SLC35F3: variants seen among roughly 807,000 people sequenced by gnomAD.
The protein encoded by SLC35F3 is solute carrier family 35 member F3.
A neutral mutation model predicts 49.9 loss-of-function variants in SLC35F3; 25 were observed. The observed-to-expected ratio is 0.50, with a 90% CI of 0.37 to 0.70. SLC35F3 has a LOEUF of 0.70. Ranked by LOEUF, SLC35F3 falls within the 30% of genes least tolerant of loss-of-function variation. SLC35F3 has a pLI of 0.00. For missense variants in SLC35F3, 525 were observed against 639.8 expected (o/e 0.82, Z 1.94); for synonymous variants, 275 against 265.4 (o/e 1.04, Z -0.35).
At chr1:234,181,425 G>C (rs977705100) in intron 2 of SLC35F3, among the ~76,000 whole-genome samples, 2 of 151,906 alleles carry the variant, frequency 1.3e-5, no homozygotes. Context: ...TGTTATCACA[G>C]TATTAGAAAT....
intron 2 of SLC35F3, among the ~76,000 whole-genome samples, chr1:234,098,761 T>A (rs55638498): frequency 0.02 from 2,910 of 144,344 alleles, 47 homozygotes; most frequent in Non-Finnish European, 0.031. Flanking sequence ...TGGTGGTGAC[T>A]GTGTTGGTGG....
intron 2 of SLC35F3, among the ~76,000 whole-genome samples, chr1:234,004,918 T>G (rs1220450795): frequency 6.6e-6 from 1 of 152,140 alleles, no homozygotes; most frequent in Non-Finnish European, 1.5e-5. Flanking sequence ...CAATATGCAT[T>G]AAGATGGAAA....
At chr1:234,136,275 T>TTTCTTTCTCTCG in intron 2 of SLC35F3, among the ~76,000 whole-genome samples, 1 of 125,834 alleles carries the variant, frequency 7.9e-6, no homozygotes, top group Non-Finnish European at 1.6e-5. Context: ...TCTTTCTCTC[T>TTTCTTTCTCTCG]CTTTCTCTCT....
intron 2 of SLC35F3, among the ~76,000 whole-genome samples, chr1:234,111,145 G>A (rs1248568665): frequency 2.0e-5 from 3 of 152,054 alleles, no homozygotes; most frequent in African/African-American, 4.8e-5. Context: ...TTGTAAGAGA[G>A]TGAATTTAAT....
intron 3 of SLC35F3, among the ~76,000 whole-genome samples, chr1:234,246,975 C>A (rs115643440): frequency 1.3e-5 from 2 of 152,140 alleles, no homozygotes; most frequent in Admixed American, 6.5e-5. Flanking sequence ...GTGGCAGACA[C>A]GGCAGGGTGT....
At position 234,015,347 on chromosome 1, in the gene SLC35F3, C is replaced by CAA. The variant is rs34202675; in HGVS notation, c.283+109604_283+109605dup. Among the ~76,000 whole-genome samples the CAA allele has an allele frequency of 4.0e-3, 526 of 132,344 alleles. 4 individuals carry two copies. The highest frequency in any genetic ancestry group is 8.8e-3 in the Middle Eastern group (2 of 228). 86.8% of individuals were successfully genotyped at this position (132,344 alleles called of 152,430 possible). A position where few individuals can be genotyped will look rare whatever the true frequency, so the allele number is the denominator to read the frequency against. On this transcript the variant is annotated intron_variant, in intron 2 of 7. Transcript: ENST00000366618. ...TGGGCGACAGAGCAAGACTCTATAT[C>CAA]AAAAAAAAAAAAAAAATGCAAGAAC...
At chr1:234,062,662 T>C (rs1157326989) in intron 2 of SLC35F3, among the ~76,000 whole-genome samples, 1 of 152,096 alleles carries the variant, frequency 6.6e-6, no homozygotes, top group Non-Finnish European at 1.5e-5. Context: ...TCTGTTCTTT[T>C]CTTTCATCCA....
chr1:234,251,504 C>T (rs1371852629), intron 3 of SLC35F3, among the ~76,000 whole-genome samples: 2 of 150,806 alleles, frequency 1.3e-5, no homozygotes, highest in African/African-American at 2.4e-5. Flanking sequence ...CTTTTAAATC[C>T]CTGGTAGTAA....
At chr1:234,014,325 G>T (rs55649948) in intron 2 of SLC35F3, among the ~76,000 whole-genome samples, 49,005 of 151,960 alleles carry the variant, frequency 0.32, 9,540 homozygotes, top group Non-Finnish European at 0.45. Context: ...AGATGTAGAA[G>T]AAATAATCTA....
chr1:233,948,221 GA>G, intron 2 of SLC35F3, among the ~76,000 whole-genome samples: 1 of 138,098 alleles, frequency 7.2e-6, no homozygotes, highest in African/African-American at 2.9e-5. Context: ...GGGAGAGAGG[GA>G]GAGAGGGAGA....
chr1:234,195,807 C>G (rs756660293), intron 2 of SLC35F3, among the ~76,000 whole-genome samples: 29 of 152,206 alleles, frequency 1.9e-4, no homozygotes, highest in Admixed American at 1.4e-3. Flanking sequence ...GGCGGTTTCC[C>G]CCATACTGTT....
intron 2 of SLC35F3, among the ~76,000 whole-genome samples, chr1:233,953,185 C>T (rs1470585778): frequency 6.6e-6 from 1 of 151,704 alleles, no homozygotes; most frequent in Non-Finnish European, 1.5e-5. Context: ...CCAATAATAG[C>T]CTCAAATAAG....
Position 234,231,786 on chromosome 1 carries a change from C to A in SLC35F3, c.608+45C>A. On this transcript the variant is annotated intron_variant, in intron 3 of 7. Coordinates refer to ENST00000366618, the MANE Select transcript of SLC35F3 (RefSeq NM_173508.4). This position sits in a 1 kb window ranked among gnomAD's most constrained non-coding sequence, Gnocchi z 5.4. ...GGAGGCCTCCTGACCCCGGGCTGCT[C>A]CATCCAGCGCTGACTCTGCAGAGCT... 6.5e-7 allele frequency: 1 copy of A among 1,542,650 alleles called. No individual in the cohort carries two copies. The highest frequency in any genetic ancestry group is 8.8e-7 in the Non-Finnish European group (1 of 1,134,930).
At chr1:233,930,793 GA>G (rs1662231149) in intron 2 of SLC35F3, among the ~76,000 whole-genome samples, 1 of 152,116 alleles carries the variant, frequency 6.6e-6, no homozygotes, top group Admixed American at 6.6e-5. Flanking sequence ...GAATCTCAAG[GA>G]AAAGAAAATA....
At chr1:234,128,322 C>A (rs115158490) in intron 2 of SLC35F3, among the ~76,000 whole-genome samples, 1 of 152,024 alleles carries the variant, frequency 6.6e-6, no homozygotes, top group Non-Finnish European at 1.5e-5. Context: ...CATCACCTGG[C>A]GAAGGACAAT....
At chr1:234,127,109 G>A (rs931793484) in intron 2 of SLC35F3, among the ~76,000 whole-genome samples, 4 of 152,134 alleles carry the variant, frequency 2.6e-5, no homozygotes, top group South Asian at 2.1e-4. Context: ...CATCCATTTC[G>A]TGTGTATCAG....
At chr1:234,194,653 C>T (rs921439682) in intron 2 of SLC35F3, among the ~76,000 whole-genome samples, 2 of 151,946 alleles carry the variant, frequency 1.3e-5, no homozygotes, top group African/African-American at 2.4e-5. Context: ...GCTTCAAGAC[C>T]CACAGAGATG....
intron 3 of SLC35F3, among the ~76,000 whole-genome samples, chr1:234,249,467 T>C (rs956435507): frequency 1.3e-5 from 2 of 152,164 alleles, no homozygotes; most frequent in African/African-American, 4.8e-5. Flanking sequence ...ATGCCACCTC[T>C]TGTGGCACAT....
chr1:233,925,931 T>C (rs1662150391), intron 2 of SLC35F3, among the ~76,000 whole-genome samples: 2 of 152,194 alleles, frequency 1.3e-5, no homozygotes, highest in Non-Finnish European at 2.9e-5. Flanking sequence ...GGTTGAAAAT[T>C]CTTTTCTTTA....
Sources: allele counts gnomAD v4.1 joint callset (sites outside exome capture counted in the v4.1 genomes callset), GRCh38; gene constraint gnomAD v4.1.1; non-coding constraint Gnocchi (gnomAD v3.1); transcripts MANE v1.5; gene names NCBI Gene and HGNC (gene_info 2026-07-23, HGNC 2026-07-21).